The following PLP1 variants were observed in gnomAD, a reference collection of about 807,000 sequenced individuals.
The protein encoded by PLP1 is myelin proteolipid protein.
In PLP1, 2 loss-of-function variants were observed where a neutral mutation model predicts 18.5. The observed-to-expected ratio is 0.11, with a 90% CI of 0.04 to 0.34. PLP1 has a LOEUF of 0.34. PLP1 is among the 10% of genes least tolerant of loss of function. The pLI, the probability that PLP1 is intolerant of heterozygous loss-of-function variation, is 1.00. For missense variants in PLP1, 105 were observed against 207.3 expected (o/e 0.51, Z 3.03); for synonymous variants, 86 against 83.2 (o/e 1.03, Z -0.19).
At chrX:103,788,333 C>T (rs987640498) in intron 4 of PLP1, 104 bp from the exon 5 acceptor site, 25 of 636,158 alleles carry the variant, frequency 3.9e-5, no homozygotes, top group Admixed American at 1.8e-4. Context: ...TCCAACTTTA[C>T]AGCCAGGATA....
chrX:103,790,005 A>T (rs961037900), intron 6 of PLP1, among the ~76,000 whole-genome samples: 1 of 112,413 alleles, frequency 8.9e-6, no homozygotes, highest in African/African-American at 3.2e-5. Context: ...GAAGTGATTT[A>T]TCTGAAGTTA....
intron 3 of PLP1, chrX:103,787,113 G>A (rs2074503913): frequency 4.8e-6 from 1 of 210,124 alleles, no homozygotes. Flanking sequence ...TGATCTGAGA[G>A]GGAGGATGGA....
At chrX:103,789,018 A>C (rs1009802476) in intron 5 of PLP1, 6 of 357,357 alleles carry the variant, frequency 1.7e-5, no homozygotes, top group African/African-American at 2.6e-5. Context: ...ACAGGCAGTA[A>C]ATTATTTCTT....
intron 1 of PLP1, among the ~76,000 whole-genome samples, chrX:103,779,289 C>T (rs776708243): frequency 1.8e-5 from 2 of 112,227 alleles, no homozygotes; most frequent in South Asian, 7.5e-4. Flanking sequence ...ACCCTGGTAA[C>T]CAGACTGTGA....
chrX:103,784,890 G>A (rs1053205472), intron 1 of PLP1, among the ~76,000 whole-genome samples: 9 of 112,216 alleles, frequency 8.0e-5, no homozygotes, highest in Admixed American at 2.8e-4. Flanking sequence ...TGGGCATATA[G>A]TGAGTATTCC....
Position 103,785,586 on chromosome X carries a change from G to A in PLP1, c.9G>A (p.Leu3=), listed in dbSNP as rs765784563. 1 of 1,209,148 alleles carries A rather than the reference G, an allele frequency of 8.3e-7. No individual in the cohort carries two copies. Among genetic ancestry groups the A allele is most frequent in the Admixed American group, 2.2e-5 (1 of 46,016 alleles). Residue 3 remains leucine, a synonymous_variant, in exon 2 of 7, where the codon TTG becomes TTA. Coordinates refer to ENST00000621218, the MANE Select transcript of PLP1 (RefSeq NM_000533.5). MG[L]LECCARCLVG... is the part of the protein sequence containing the mutation. ...TTTCCCCTTCTTCTTCCCCAGGCTTGTTAGAGTGCTGTGCAAGATGTCTGG... is the reference window on the plus strand; with the variant it reads ...TTTCCCCTTCTTCTTCCCCAGGCTTATTAGAGTGCTGTGCAAGATGTCTGG...
At chrX:103,778,660 C>T (rs747822336) in intron 1 of PLP1, among the ~76,000 whole-genome samples, 11 of 111,506 alleles carry the variant, frequency 9.9e-5, no homozygotes, top group East Asian at 2.8e-4. Flanking sequence ...GATAAGGGCA[C>T]GATTGAGGAT....
intron 3 of PLP1, chrX:103,787,411 G>T: frequency 4.3e-6 from 1 of 235,263 alleles, no homozygotes; most frequent in Non-Finnish European, 7.7e-6. Flanking sequence ...TTGTTCAATG[G>T]CTAGGGAACA....
chrX:103,782,033 T>G (rs1169803844), intron 1 of PLP1, among the ~76,000 whole-genome samples: 1 of 112,487 alleles, frequency 8.9e-6, no homozygotes, highest in Non-Finnish European at 1.9e-5. Context: ...GGATCTTTTC[T>G]CAGAATGCTT....
In PLP1 at chrX:103,785,156, A is replaced by G. The variant is rs1189727471; in HGVS notation, c.5-426A>G. On this transcript the variant is annotated intron_variant, in intron 1 of 6. Transcript: ENST00000621218. Reference sequence around the variant, plus strand: ...AATGGCGCAATCTTGGCTCACGGCAACCTCCGCCTCCTCCTGGGTTTAACA... The same window carrying G: ...AATGGCGCAATCTTGGCTCACGGCAGCCTCCGCCTCCTCCTGGGTTTAACA... Among the ~76,000 whole-genome samples the G allele has an allele frequency of 2.7e-5, 3 of 110,202 alleles. No individual in the cohort carries two copies. The Admixed American group carries it at 2.9e-4, about 11-fold the overall frequency.
chrX:103,783,933 G>GTATATATATATATATTTA (rs1556262200), intron 1 of PLP1, among the ~76,000 whole-genome samples: 2 of 110,533 alleles, frequency 1.8e-5, no homozygotes, highest in Non-Finnish European at 3.8e-5. Context: ...AAATCAGTGG[G>GTATATATATATATATTTA]TATATATACA....
At position 103,785,675 on chromosome X, in the gene PLP1, G is replaced by C; in HGVS notation, c.98G>C (p.Cys33Ser). Reference protein sequence around the residue: ...GLCFFGVALFCGCGHEALTGT... With the variant: ...GLCFFGVALFSGCGHEALTGT... The stretch of plus-strand genomic sequence containing the variant: ...TGTTTCTTTGGGGTGGCACTGTTCT[G>C]TGGCTGTGGACATGAAGCCCTCACT... Residue 33 changes from cysteine (C) to serine (S), a missense_variant, in exon 2 of 7, where the codon TGT becomes TCT. Cys to Ser is a moderately radical substitution (Grantham distance 112). Coordinates refer to ENST00000621218, the MANE Select transcript of PLP1 (RefSeq NM_000533.5). The C allele has an allele frequency of 8.3e-7, 1 of 1,209,938 alleles. No individual in the cohort carries two copies.
At chrX:103,784,124 T>C (rs2074475348) in intron 1 of PLP1, among the ~76,000 whole-genome samples, 2 of 111,864 alleles carry the variant, frequency 1.8e-5, no homozygotes, top group South Asian at 7.5e-4. Flanking sequence ...TCTTAGAGCA[T>C]GGGACTAGTA....
intron 1 of PLP1, among the ~76,000 whole-genome samples, chrX:103,781,805 T>C (rs906845964): frequency 2.7e-5 from 3 of 112,412 alleles, no homozygotes; most frequent in Admixed American, 9.4e-5. Context: ...ATGCCAACTC[T>C]CTCATCTCGC....
At chrX:103,780,437 CTCTGTGTGTGTG>C (rs1476432676) in intron 1 of PLP1, among the ~76,000 whole-genome samples, 3 of 87,835 alleles carry the variant, frequency 3.4e-5, no homozygotes, top group African/African-American at 1.2e-4. Flanking sequence ...TTCTGTCTCT[CTCTGTGTGTGTG>C]TGTGTGTGTG....
intron 2 of PLP1, chrX:103,786,147 T>C (rs1225656554): frequency 1.8e-6 from 2 of 1,102,504 alleles, no homozygotes; most frequent in African/African-American, 3.7e-5. Flanking sequence ...CCCACCTTTC[T>C]TCTTGTCTAG....
intron 1 of PLP1, chrX:103,779,811 A>G (rs1466759243): frequency 8.9e-6 from 1 of 112,405 alleles, no homozygotes; most frequent in Non-Finnish European, 1.9e-5. Flanking sequence ...AGCCAGTAAC[A>G]TCACTTTCCC....
At chrX:103,782,955 TC>T (rs1309416088) in intron 1 of PLP1, among the ~76,000 whole-genome samples, 1 of 111,537 alleles carries the variant, frequency 9.0e-6, no homozygotes, top group Non-Finnish European at 1.9e-5. Flanking sequence ...GACCTTCTTC[TC>T]CCCCCATCCC....
At chrX:103,784,047 A>G (rs964983860) in intron 1 of PLP1, among the ~76,000 whole-genome samples, 2 of 112,336 alleles carry the variant, frequency 1.8e-5, no homozygotes, top group Admixed American at 1.9e-4. Flanking sequence ...AGGCCAGAGG[A>G]AGCCATTCTT....
Sources: allele counts gnomAD v4.1 joint callset (sites outside exome capture counted in the v4.1 genomes callset), GRCh38; gene constraint gnomAD v4.1.1; transcripts MANE v1.5; gene names NCBI Gene and HGNC (gene_info 2026-07-23, HGNC 2026-07-21).